The following EMID1 variants were observed in gnomAD, a reference collection of about 807,000 sequenced individuals.
EMID1 encodes the protein EMI domain containing 1, also known as EMI domain-containing protein 1.
A neutral mutation model predicts 60.6 loss-of-function variants in EMID1; 40 were observed. That is an observed-to-expected ratio of 0.66 (90% CI 0.51 to 0.86). EMID1 has a LOEUF of 0.86. EMID1 is among the 40% of genes least tolerant of loss of function. The probability of loss-of-function intolerance (pLI) is 0.00; values close to 1 mark genes in which losing one functional copy is unlikely to be tolerated. For synonymous variants in EMID1, 242 were observed against 231.0 expected (o/e 1.05, Z -0.43); for missense variants, 585 against 597.1 (o/e 0.98, Z 0.21).
At chr22:29,214,327 T>G (rs192347643) in intron 1 of EMID1, among the ~76,000 whole-genome samples, 1 of 152,094 alleles carries the variant, frequency 6.6e-6, no homozygotes, top group Non-Finnish European at 1.5e-5. Context: ...ATGGAGGGAA[T>G]AGGCCATGTC....
chr22:29,256,678 A>G (rs191325454), intron 14 of EMID1, among the ~76,000 whole-genome samples: 140 of 152,138 alleles, frequency 9.2e-4, no homozygotes, highest in African/African-American at 3.1e-3. Context: ...GATATGGGGT[A>G]GGGGAGCATG....
chr22:29,245,385 T>C (rs1474722963), intron 13 of EMID1, among the ~76,000 whole-genome samples: 1 of 152,122 alleles, frequency 6.6e-6, no homozygotes, highest in Non-Finnish European at 1.5e-5. Context: ...TTCATGAGAA[T>C]CCCCGGCAGG....
chr22:29,232,019 TTTC>T (rs1261877019), intron 7 of EMID1: 7 of 589,960 alleles, frequency 1.2e-5, no homozygotes, highest in Admixed American at 9.2e-5. Flanking sequence ...GTGACCAGGG[TTTC>T]TATGAGGGGT....
At chr22:29,214,880 G>T in intron 1 of EMID1, 46 bp from the exon 2 acceptor site, 1 of 1,404,792 alleles carries the variant, frequency 7.1e-7, no homozygotes. Context: ...CCCCAGCAGG[G>T]GACCCTGTGT....
At chr22:29,223,061 A>G (rs1216606272) in intron 3 of EMID1, among the ~76,000 whole-genome samples, 1 of 152,214 alleles carries the variant, frequency 6.6e-6, no homozygotes, top group Non-Finnish European at 1.5e-5. Flanking sequence ...ACTGCACTCC[A>G]GTCTGGGTGA....
At chr22:29,233,538 A>C in intron 9 of EMID1, 70 bp downstream of exon 9, 1 of 1,605,044 alleles carries the variant, frequency 6.2e-7, no homozygotes, top group Non-Finnish European at 8.5e-7. Context: ...GTTTGTGGCT[A>C]TCAGGAGGGA....
At chr22:29,213,268 G>A (rs1052252985) in intron 1 of EMID1, among the ~76,000 whole-genome samples, 4 of 152,192 alleles carry the variant, frequency 2.6e-5, no homozygotes, top group African/African-American at 9.7e-5. Flanking sequence ...TGGCTCCATA[G>A]CTGTTTAGGC....
At chr22:29,231,193 G>A (rs1331951025) in intron 6 of EMID1, 53 bp downstream of exon 6, 106 of 1,536,220 alleles carry the variant, frequency 6.9e-5, no homozygotes, top group Middle Eastern at 1.8e-4. Context: ...GTTGGGAATC[G>A]GGGAAGTGGG....
At chr22:29,248,201 C>T (rs995778401) in intron 13 of EMID1, among the ~76,000 whole-genome samples, 4 of 151,232 alleles carry the variant, frequency 2.6e-5, no homozygotes, top group Non-Finnish European at 4.4e-5. Context: ...TCAAGTGATC[C>T]GCCTGCTTCG....
At chr22:29,230,135 C>A (rs747177326) in intron 5 of EMID1, among the ~76,000 whole-genome samples, 3 of 152,140 alleles carry the variant, frequency 2.0e-5, no homozygotes, top group Non-Finnish European at 2.9e-5. Flanking sequence ...GAGTTTGAGA[C>A]CAGCCTGGCC....
At chr22:29,219,659 A>G (rs2040220668) in intron 3 of EMID1, among the ~76,000 whole-genome samples, 1 of 152,096 alleles carries the variant, frequency 6.6e-6, no homozygotes, top group Non-Finnish European at 1.5e-5. Context: ...GTGCACACCT[A>G]TAGTCCTGGT....
chr22:29,242,386 A>G (rs898948172), intron 12 of EMID1, among the ~76,000 whole-genome samples: 3 of 152,168 alleles, frequency 2.0e-5, no homozygotes, highest in African/African-American at 4.8e-5. Context: ...TATAATTTAT[A>G]TATCTCTCCT....
At chr22:29,241,425 G>T (rs765721964) in intron 12 of EMID1, among the ~76,000 whole-genome samples, 1 of 152,076 alleles carries the variant, frequency 6.6e-6, no homozygotes, top group Non-Finnish European at 1.5e-5. Context: ...TCTCGCCCTT[G>T]TCCCCTAGGC....
chr22:29,245,423 T>C (rs2041295995), intron 13 of EMID1, among the ~76,000 whole-genome samples: 1 of 152,162 alleles, frequency 6.6e-6, no homozygotes, highest in Non-Finnish European at 1.5e-5. Context: ...GACCAGTCCT[T>C]GAACCCAGAA....
chr22:29,222,333 A>G (rs529855594), intron 3 of EMID1, among the ~76,000 whole-genome samples: 3 of 151,776 alleles, frequency 2.0e-5, no homozygotes, highest in Admixed American at 6.6e-5. Context: ...GGCTCAAGCA[A>G]TCTGCCCACT....
intron 14 of EMID1, among the ~76,000 whole-genome samples, chr22:29,255,966 G>T (rs1042697669): frequency 1.3e-5 from 2 of 152,168 alleles, no homozygotes; most frequent in African/African-American, 2.4e-5. Flanking sequence ...ACCAGTGGGT[G>T]GTACCCCTCC....
At chr22:29,227,905 C>T (rs536336270) in intron 5 of EMID1, among the ~76,000 whole-genome samples, 1 of 152,008 alleles carries the variant, frequency 6.6e-6, no homozygotes, top group East Asian at 1.9e-4. Context: ...CCTGTAATCA[C>T]AGCACTTTGG....
intron 4 of EMID1, 134 bp downstream of exon 4, chr22:29,225,350 AC>A: frequency 1.1e-6 from 1 of 906,702 alleles, no homozygotes. Context: ...CTATCTTCCC[AC>A]CCCATGCTCC....
intron 12 of EMID1, among the ~76,000 whole-genome samples, chr22:29,236,894 T>A (rs1195239166): frequency 6.7e-6 from 1 of 150,190 alleles, no homozygotes; most frequent in African/African-American, 2.4e-5. Flanking sequence ...CCTCCCGGGA[T>A]CAAGCAATTC....
Sources: gnomAD v4.1 joint callset for allele counts (sites outside exome capture counted in the v4.1 genomes callset) on GRCh38, gnomAD v4.1.1 for gene constraint, MANE v1.5 for transcripts, NCBI Gene and HGNC (gene_info 2026-07-23, HGNC 2026-07-21) for gene names.